Variants in TNRC18 observed in about 807,000 individuals in gnomAD.
TNRC18 encodes trinucleotide repeat-containing gene 18 protein.
In TNRC18, 69 loss-of-function variants were observed where a neutral mutation model predicts 226.7. The observed-to-expected ratio is 0.30, with a 90% CI of 0.25 to 0.37. The LOEUF (loss-of-function observed/expected upper bound fraction) is 0.37. TNRC18 is among the 10% of genes least tolerant of loss of function. The probability of loss-of-function intolerance (pLI) is 1.00; values close to 1 mark genes in which losing one functional copy is unlikely to be tolerated. For missense variants in TNRC18, 4,754 were observed against 4,256.6 expected (o/e 1.12, Z -3.25); for synonymous variants, 2,449 against 1,927.6 (o/e 1.27, Z -7.09).
intron 2 of TNRC18, among the ~76,000 whole-genome samples, chr7:5,395,480 C>T (rs1780611195): frequency 6.6e-6 from 1 of 152,236 alleles, no homozygotes; most frequent in Non-Finnish European, 1.5e-5. Context: ...GGGTGCCTCC[C>T]AGCTGCCACC....
At chr7:5,370,177 G>A (rs976967179) in intron 11 of TNRC18, among the ~76,000 whole-genome samples, 198 bp downstream of exon 11, 1 of 152,112 alleles carries the variant, frequency 6.6e-6, no homozygotes, top group African/African-American at 2.4e-5. Flanking sequence ...TAAAAAGTTA[G>A]CTGGGCATGG....
rs1293356962 is a variant in TNRC18 at position 5,376,972 on chromosome 7, T to G, written c.2483A>C (p.His828Pro). 3.2e-6 allele frequency: 5 copies of G among 1,584,860 alleles called. No homozygotes were observed. The highest frequency in any genetic ancestry group is 1.3e-5 in the African/African-American group (1 of 74,330). Residue 828 changes from histidine (H) to proline (P), a missense_variant, in exon 8 of 30, where the codon CAC becomes CCC. His to Pro is a moderately conservative substitution (Grantham distance 77). Transcript: ENST00000430969. Reference protein sequence around the residue: ...HPYGLGPPSLHQGMAPAFPPG... With the variant: ...HPYGLGPPSLPQGMAPAFPPG... The stretch of plus-strand genomic sequence containing the variant: ...TGGGAACGCAGGGGCCATGCCCTGG[T>G]GCAGAGATGGGGGACCCAAGCCTAG...
chr7:5,387,988 G>T lies in TNRC18; in HGVS notation c.1836C>A (p.Pro612=), dbSNP rs1346458528. The change falls in exon 5 of 30, where the codon CCC becomes CCA. Residue 612 remains proline (P), a synonymous_variant. Transcript: ENST00000430969. ...VRPGGCGKKS[P]FGGLGTMKPE... ...GTTTCATGGTGCCCAAACCTCCAAA[G>T]GGGCTCTTCTTGCCACAGCCACCAG... 19 of 1,592,488 alleles carry T rather than the reference G, an allele frequency of 1.2e-5. No individual in the cohort carries two copies. Among genetic ancestry groups the T allele is most frequent in the Non-Finnish European group, 1.6e-5 (19 of 1,170,806 alleles).
At chr7:5,318,638 G>A (rs1244679978) in intron 24 of TNRC18, among the ~76,000 whole-genome samples, 7 of 151,854 alleles carry the variant, frequency 4.6e-5, no homozygotes, top group Admixed American at 2.6e-4. Flanking sequence ...CCAGATCTAG[G>A]GATAATGAGA....
At chr7:5,358,973 CT>C (rs1792747748) in intron 15 of TNRC18, among the ~76,000 whole-genome samples, 1 of 152,250 alleles carries the variant, frequency 6.6e-6, no homozygotes, top group Admixed American at 6.5e-5. Flanking sequence ...CCCATTACCC[CT>C]GGAGAGTTCA....
At chr7:5,336,356 T>A (rs188690180) in intron 18 of TNRC18, among the ~76,000 whole-genome samples, 1 of 149,038 alleles carries the variant, frequency 6.7e-6, no homozygotes, top group East Asian at 2.0e-4. Flanking sequence ...CTCAAAGAGG[T>A]GAAATAAAAC....
rs548656720 is a variant in TNRC18 at position 5,329,677 on chromosome 7, C to T, written c.6147+2945G>A. Reference sequence around the variant, plus strand: ...CAGCCTGGGCGACACAGTGAGACTCCGTCTCAAAAAAAAAAAAAAAAAAAA... The same window carrying T: ...CAGCCTGGGCGACACAGTGAGACTCTGTCTCAAAAAAAAAAAAAAAAAAAA... On this transcript the variant is annotated intron_variant, in intron 19 of 29. Coordinates refer to ENST00000430969, the MANE Select transcript of TNRC18 (RefSeq NM_001080495.3). 1.0e-3 allele frequency among the ~76,000 whole-genome samples: 85 copies of T among 82,188 alleles called. 1 individual carries two copies. Among genetic ancestry groups the T allele is most frequent in the South Asian group, 1.0e-3 (2 of 1,908 alleles). 53.9% of individuals were successfully genotyped at this position (82,188 alleles called of 152,430 possible).
chr7:5,416,788 TC>T (rs1782217168), intron 2 of TNRC18, among the ~76,000 whole-genome samples: 1 of 151,730 alleles, frequency 6.6e-6, no homozygotes, highest in Non-Finnish European at 1.5e-5. Flanking sequence ...GCCCAGGAGT[TC>T]GAGACCAGCT....
intron 2 of TNRC18, among the ~76,000 whole-genome samples, chr7:5,395,440 TGCCCCACGTGGCCAG>T (rs1780607377): frequency 6.6e-6 from 1 of 152,196 alleles, no homozygotes; most frequent in Admixed American, 6.5e-5. Context: ...AGCCCCGCCA[TGCCCCACGTGGCCAG>T]GCCCACATCG....
intron 18 of TNRC18, among the ~76,000 whole-genome samples, chr7:5,339,278 T>C (rs912546592): frequency 1.3e-5 from 2 of 151,356 alleles, no homozygotes; most frequent in Admixed American, 1.3e-4. Context: ...CTCACTCTAT[T>C]GCCCAGGCTG....
rs778408612 is a variant in TNRC18, at chr7:5,359,472, T to A, written c.4759A>T (p.Ile1587Phe). The A allele has an allele frequency of 1.2e-6, 2 of 1,614,048 alleles. No homozygotes were observed. Residue 1587 changes from isoleucine (I) to phenylalanine (F), a missense_variant, in exon 15 of 30, where the codon ATC becomes TTC. Transcript: ENST00000430969. ...KGSEEEHDAL[I>F]GMGKARGRNQ... is the part of the protein sequence containing the mutation. ...CTCCCCCTGGCTTTCCCCATTCCGA[T>A]GAGGGCATCATGTTCCTCCTCAGAC...
intron 2 of TNRC18, among the ~76,000 whole-genome samples, chr7:5,399,228 G>C (rs1780913386): frequency 6.6e-6 from 1 of 152,124 alleles, no homozygotes. Context: ...GTTAGGCCCA[G>C]AGCTCACTGG....
chr7:5,377,140 T>C lies in TNRC18; in HGVS notation c.2462-147A>G. On this transcript the variant is annotated intron_variant, in intron 7 of 29. Transcript: ENST00000430969. This position sits in a 1 kb window ranked among gnomAD's most constrained non-coding sequence, Gnocchi z 5.8. Reference sequence around the variant, plus strand: ...CCAAGGGACAGGGGTGCTGGCTGGCTGCAAAGAGCACCCCAGAGCCACCCG... The same window carrying C: ...CCAAGGGACAGGGGTGCTGGCTGGCCGCAAAGAGCACCCCAGAGCCACCCG... 2 of 1,286,288 alleles carry C rather than the reference T, an allele frequency of 1.6e-6. No homozygotes were observed. Among genetic ancestry groups the C allele is most frequent in the Non-Finnish European group, 2.1e-6 (2 of 946,096 alleles). The allele number at this position is 1,286,288 out of a possible 1,614,324, so 79.7% of individuals were successfully genotyped here. A position where few individuals can be genotyped will look rare whatever the true frequency, so the allele number is the denominator to read the frequency against.
chr7:5,394,685 C>T lies in TNRC18; in HGVS notation c.188-90G>A, dbSNP rs936250659. On this transcript the variant is annotated intron_variant, in intron 2 of 29. Coordinates refer to ENST00000430969, the MANE Select transcript of TNRC18 (RefSeq NM_001080495.3). The surrounding 1 kb of genome is among the most constrained non-coding windows in gnomAD (Gnocchi z 4.5). Reference sequence around the variant, plus strand: ...CCGCCCCGACCCACCGCCCCGAGACCGCCGCCTCTCCCCAGCTGTGTGGAG... The same window carrying T: ...CCGCCCCGACCCACCGCCCCGAGACTGCCGCCTCTCCCCAGCTGTGTGGAG... 19 of 967,390 alleles carry T rather than the reference C, an allele frequency of 2.0e-5. No individual in the cohort carries two copies. The highest frequency in any genetic ancestry group is 7.4e-5 in the South Asian group (5 of 67,144). The allele number at this position is 967,390 out of a possible 1,614,324, so 59.9% of individuals were successfully genotyped here. A position where few individuals can be genotyped will look rare whatever the true frequency, so the allele number is the denominator to read the frequency against.
In TNRC18 at chr7:5,313,285, C is replaced by T. The variant is rs1331840874; in HGVS notation, c.7606G>A (p.Glu2536Lys). The change falls in exon 27 of 30, where the codon GAG becomes AAG. Residue 2536 changes from glutamate (E) to lysine (K), a missense_variant. By Grantham distance (56) the Glu-to-Lys change is moderately conservative (BLOSUM62 1). Transcript: ENST00000430969. ...AQEPGPGLTF[E>K]DSGNPKSPDK... ...GGGCTCTTGGGGTTCCCAGAGTCCT[C>T]GAACGTGAGCCCCGGCCCGGGCTCC... 10 of 1,548,494 alleles carry T rather than the reference C, an allele frequency of 6.5e-6. No homozygotes were observed. The highest frequency in any genetic ancestry group is 2.4e-5 in the South Asian group (2 of 83,978).
Position 5,315,657 on chromosome 7 carries a change from C to A in TNRC18, c.6862+299G>T, listed in dbSNP as rs189389795. On this transcript the variant is annotated intron_variant, in intron 25 of 29. Coordinates refer to ENST00000430969, the MANE Select transcript of TNRC18 (RefSeq NM_001080495.3). ...TGGGATGGTCTCGATCTCTTGACCT[C>A]GTGATCCGCCCATCTTGGCCTCCCA... Among the ~76,000 whole-genome samples, 55 of 152,314 alleles carry A rather than the reference C, an allele frequency of 3.6e-4. No homozygotes were observed. The East Asian group carries it at 8.3e-3, about 23-fold the overall frequency.
intron 18 of TNRC18, among the ~76,000 whole-genome samples, chr7:5,336,408 G>C (rs1210119397): frequency 6.6e-6 from 1 of 151,928 alleles, no homozygotes; most frequent in Non-Finnish European, 1.5e-5. Flanking sequence ...AAATAGGAAG[G>C]ACAAAAAGAA....
chr7:5,395,638 G>A (rs1780624690), intron 2 of TNRC18, among the ~76,000 whole-genome samples: 1 of 152,254 alleles, frequency 6.6e-6, no homozygotes, highest in South Asian at 2.1e-4. Context: ...CAACAAAATG[G>A]AGATAAACAT....
intron 2 of TNRC18, among the ~76,000 whole-genome samples, chr7:5,416,310 G>A (rs1782185248): frequency 6.6e-6 from 1 of 151,946 alleles, no homozygotes; most frequent in South Asian, 2.1e-4. Context: ...AGCTACTCGG[G>A]AGGCTGAGGC....
Sources: gnomAD v4.1 joint callset for allele counts (sites outside exome capture counted in the v4.1 genomes callset) on GRCh38, gnomAD v4.1.1 for gene constraint, Gnocchi (gnomAD v3.1) non-coding constraint, MANE v1.5 for transcripts, NCBI Gene and HGNC (gene_info 2026-07-23, HGNC 2026-07-21) for gene names.